NVL: variants seen among roughly 807,000 people sequenced by gnomAD.
NVL encodes the protein nuclear valosin-containing protein-like.
A neutral mutation model predicts 110.2 loss-of-function variants in NVL; 84 were observed. The observed-to-expected ratio is 0.76, with a 90% CI of 0.64 to 0.91. The LOEUF (loss-of-function observed/expected upper bound fraction) is 0.91. NVL is among the 40% of genes least tolerant of loss of function. NVL has a pLI of 0.00. For synonymous variants in NVL, 354 were observed against 361.1 expected (o/e 0.98, Z 0.22); for missense variants, 882 against 1,035.9 (o/e 0.85, Z 2.04).
At chr1:224,298,237 T>C in intron 10 of NVL, 1 of 223,440 alleles carries the variant, frequency 4.5e-6, no homozygotes, top group Non-Finnish European at 8.7e-6. Context: ...AAAAGAAATG[T>C]GATACTGTAG....
intron 19 of NVL, among the ~76,000 whole-genome samples, chr1:224,237,175 G>A (rs1469634578): frequency 6.6e-6 from 1 of 152,138 alleles, no homozygotes; most frequent in African/African-American, 2.4e-5. Flanking sequence ...TCTTTCCAAA[G>A]GTGAAGAAAC....
At chr1:224,258,388 TAGTA>T (rs1212857840) in intron 18 of NVL, among the ~76,000 whole-genome samples, 1 of 152,176 alleles carries the variant, frequency 6.6e-6, no homozygotes. Context: ...TAACAGGTAT[TAGTA>T]AGAATGTGAA....
At chr1:224,303,608 C>T in intron 9 of NVL, 115 bp downstream of exon 9, 1 of 1,023,064 alleles carries the variant, frequency 9.8e-7, no homozygotes, top group Non-Finnish European at 1.4e-6. Context: ...GTTCCAATGA[C>T]TATGTTCTCT....
intron 6 of NVL, among the ~76,000 whole-genome samples, chr1:224,307,128 A>T (rs1558339202): frequency 6.6e-6 from 1 of 152,210 alleles, no homozygotes; most frequent in Non-Finnish European, 1.5e-5. Context: ...AAATATTATT[A>T]ATGAGATGTT....
rs967912641 is a variant in NVL at position 224,330,019 on chromosome 1, C to T, written c.57+52G>A. On this transcript the variant is annotated intron_variant, in intron 1 of 22. Coordinates refer to ENST00000281701, the MANE Select transcript of NVL (RefSeq NM_002533.4). Reference sequence around the variant, plus strand: ...CACCCGACAAAAGGGGAGTGGCACCCTGGGGCAGCGATCGGGGCCCTTGGC... The same window carrying T: ...CACCCGACAAAAGGGGAGTGGCACCTTGGGGCAGCGATCGGGGCCCTTGGC... The T allele has an allele frequency of 3.8e-6, 6 of 1,583,438 alleles. No individual in the cohort carries two copies. In the African/African-American group the frequency reaches 8.1e-5, roughly 21 times the overall value.
intron 18 of NVL, among the ~76,000 whole-genome samples, chr1:224,252,775 G>A (rs1662651660): frequency 6.6e-6 from 1 of 152,198 alleles, no homozygotes; most frequent in Non-Finnish European, 1.5e-5. Flanking sequence ...CAGAGCAGAG[G>A]TTGTCAAATA....
rs552570996 is a variant in NVL, at chr1:224,304,165, G to A, written c.826-308C>T. ...ATTACGGCCAGGCATGGTGGCTCAC[G>A]CCTGTAATCCCAGCACTTTGGGAGG... On this transcript the variant is annotated intron_variant, in intron 8 of 22. Coordinates refer to ENST00000281701, the MANE Select transcript of NVL (RefSeq NM_002533.4). Among the ~76,000 whole-genome samples the A allele has an allele frequency of 3.5e-3, 537 of 152,240 alleles. 4 individuals carry two copies. The highest frequency in any genetic ancestry group is 0.012 in the African/African-American group (501 of 41,542).
At chr1:224,322,585 T>C (rs1180819702) in intron 2 of NVL, among the ~76,000 whole-genome samples, 1 of 152,176 alleles carries the variant, frequency 6.6e-6, no homozygotes, top group African/African-American at 2.4e-5. Flanking sequence ...GTTTCAGAAC[T>C]AGGTAGTAGA....
Position 224,254,666 on chromosome 1 carries a change from C to T in NVL, c.2183-4348G>A, listed in dbSNP as rs189074747. Among the ~76,000 whole-genome samples, 64 of 146,228 alleles carry T rather than the reference C, an allele frequency of 4.4e-4. 1 individual carries two copies. The East Asian group carries it at 0.012, about 28-fold the overall frequency. On this transcript the variant is annotated intron_variant, in intron 18 of 22. Transcript: ENST00000281701. ...CCAACCTCAGGTGATCTGCTCATCTCGGCCTCCCAAAGTGGTGGGATTACA... is the reference window on the plus strand; with the variant it reads ...CCAACCTCAGGTGATCTGCTCATCTTGGCCTCCCAAAGTGGTGGGATTACA...
At chr1:224,317,568 T>C in intron 4 of NVL, 126 bp downstream of exon 4, 1 of 630,430 alleles carries the variant, frequency 1.6e-6, no homozygotes, top group Non-Finnish European at 2.8e-6. Context: ...TCAATATGGC[T>C]GAAGAGGTTA....
At chr1:224,321,644 T>G (rs1670653361) in intron 2 of NVL, among the ~76,000 whole-genome samples, 1 of 151,746 alleles carries the variant, frequency 6.6e-6, no homozygotes, top group African/African-American at 2.4e-5. Flanking sequence ...TAGTCCTGGC[T>G]ACTTGGGAGG....
intron 4 of NVL, 29 bp downstream of exon 4, chr1:224,317,665 T>TA: frequency 2.2e-6 from 3 of 1,339,700 alleles, no homozygotes; most frequent in South Asian, 2.4e-5. Flanking sequence ...GTTCATGGTT[T>TA]AAAAAAACCC....
chr1:224,296,537 G>T lies in NVL; in HGVS notation c.1144C>A (p.Arg382=). 6.2e-7 allele frequency: 1 copy of T among 1,606,198 alleles called. No individual in the cohort carries two copies. The highest frequency in any genetic ancestry group is 8.5e-7 in the Non-Finnish European group (1 of 1,175,926). The change falls in exon 11 of 23, where the codon CGA becomes AGA. Residue 382 remains arginine (R), a synonymous_variant. Coordinates refer to ENST00000281701, the MANE Select transcript of NVL (RefSeq NM_002533.4). Reference sequence around the variant, plus strand: ...GTTAGGAGTTGGGCTACAATTCTTCGTTCCATATCTTTTGAAGCCACTTCT... The same window carrying T: ...GTTAGGAGTTGGGCTACAATTCTTCTTTCCATATCTTTTGAAGCCACTTCT... The part of the protein sequence containing the change: ...KREVASKDME[R]RIVAQLLTCM...
chr1:224,288,208 T>C (rs1001484116), intron 13 of NVL, among the ~76,000 whole-genome samples: 3 of 152,224 alleles, frequency 2.0e-5, no homozygotes, highest in Non-Finnish European at 4.4e-5. Flanking sequence ...CCAATTATAA[T>C]TATAATTAAA....
chr1:224,272,950 C>T (rs1380551515), intron 17 of NVL, among the ~76,000 whole-genome samples: 1 of 146,280 alleles, frequency 6.8e-6, no homozygotes, highest in Admixed American at 6.8e-5. Flanking sequence ...AGGAGAATGG[C>T]GTGAACCCGG....
intron 18 of NVL, among the ~76,000 whole-genome samples, chr1:224,259,798 G>C (rs956909084): frequency 6.6e-6 from 1 of 151,728 alleles, no homozygotes; most frequent in Non-Finnish European, 1.5e-5. Context: ...GGGATTACAG[G>C]TGTGTGCCAC....
At chr1:224,256,423 T>TAAAAAA (rs34959473) in intron 18 of NVL, among the ~76,000 whole-genome samples, 1,935 of 75,554 alleles carry the variant, frequency 0.026, 53 homozygotes, top group East Asian at 0.059. Context: ...AGGCTCCATC[T>TAAAAAA]AAAAAAAAAA....
intron 2 of NVL, among the ~76,000 whole-genome samples, chr1:224,318,988 C>CAAA (rs35766183): frequency 2.1e-5 from 2 of 94,530 alleles, no homozygotes; most frequent in South Asian, 3.7e-4. Context: ...GACTCCGTCT[C>CAAA]AAAAAAAAAA....
At chr1:224,266,646 A>G (rs1664530473) in intron 18 of NVL, among the ~76,000 whole-genome samples, 1 of 152,218 alleles carries the variant, frequency 6.6e-6, no homozygotes, top group South Asian at 2.1e-4. Flanking sequence ...TAAGACAAGC[A>G]TCTTCTTGAA....
Sources: allele counts gnomAD v4.1 joint callset (sites outside exome capture counted in the v4.1 genomes callset), GRCh38; gene constraint gnomAD v4.1.1; transcripts MANE v1.5; gene names NCBI Gene and HGNC (gene_info 2026-07-23, HGNC 2026-07-21).